Variants in SIAH1 observed in about 807,000 individuals in gnomAD.
SIAH1 encodes the protein E3 ubiquitin-protein ligase SIAH1.
In SIAH1, 2 loss-of-function variants were observed where a neutral mutation model predicts 20.0. That is an observed-to-expected ratio of 0.10 (90% CI 0.04 to 0.31). SIAH1 has a LOEUF of 0.31. Among genes scored for constraint, SIAH1 ranks in the 10% least tolerant of loss-of-function variants. The probability of loss-of-function intolerance (pLI) is 1.00; values close to 1 mark genes in which losing one functional copy is unlikely to be tolerated. For missense variants in SIAH1, 119 were observed against 355.3 expected, an observed-to-expected ratio of 0.33 and a Z score of 5.35; for synonymous variants, 118 against 125.3, an observed-to-expected ratio of 0.94 and a Z score of 0.39.
chr16:48,377,571 T>C (rs1356101726), intron 1 of SIAH1, among the ~76,000 whole-genome samples: 1 of 152,018 alleles, frequency 6.6e-6, no homozygotes, highest in Non-Finnish European at 1.5e-5. Context: ...TTATTTTTAG[T>C]AGAGACAAGG....
chr16:48,364,148 C>A (rs1233020133), intron 1 of SIAH1, among the ~76,000 whole-genome samples: 3 of 151,870 alleles, frequency 2.0e-5, no homozygotes, highest in African/African-American at 7.3e-5. Flanking sequence ...CGGGGTTTCA[C>A]CATGGCTGGT....
intron 1 of SIAH1, chr16:48,363,125 A>C (rs1395789218): frequency 6.0e-6 from 1 of 167,122 alleles, no homozygotes; most frequent in Non-Finnish European, 1.5e-5. Context: ...TTTGGTATGG[A>C]GAAGGGGGTC....
rs1960541693 is a variant in SIAH1 at position 48,360,531 on chromosome 16, T to C, written c.*1049A>G. On this transcript the variant is annotated 3_prime_UTR_variant, in exon 2 of 2. Coordinates refer to ENST00000394725, the MANE Select transcript of SIAH1 (RefSeq NM_003031.4). ...TAGAGCTAAAGCAGACACAGTAAGA[T>C]TTTTTTAATTTGCCAGATATTCTTT... 6.6e-6 allele frequency: 1 copy of C among 152,670 alleles called. No individual in the cohort carries two copies. Among genetic ancestry groups the C allele is most frequent in the Admixed American group, 6.5e-5 (1 of 15,282 alleles). The allele number at this position is 152,670 out of a possible 1,614,324, so 9.5% of individuals were successfully genotyped here. A position where few individuals can be genotyped will look rare whatever the true frequency, so the allele number is the denominator to read the frequency against.
At chr16:48,384,488 G>T (rs929225123) in intron 1 of SIAH1, among the ~76,000 whole-genome samples, 3 of 152,182 alleles carry the variant, frequency 2.0e-5, no homozygotes, top group African/African-American at 7.2e-5. Context: ...CCTAGGAAAT[G>T]CCAGGTTTAT....
chr16:48,368,999 T>C (rs1441856090), intron 1 of SIAH1, among the ~76,000 whole-genome samples: 2 of 152,204 alleles, frequency 1.3e-5, no homozygotes, highest in Non-Finnish European at 2.9e-5. Context: ...ATGTAGAAAA[T>C]GTTTTACGTT....
chr16:48,371,584 C>A (rs1224867298), intron 1 of SIAH1, among the ~76,000 whole-genome samples: 1 of 152,188 alleles, frequency 6.6e-6, no homozygotes, highest in Non-Finnish European at 1.5e-5. Flanking sequence ...AGAAGAGCAA[C>A]AGAACCAGGC....
At chr16:48,375,673 G>A (rs926433040) in intron 1 of SIAH1, among the ~76,000 whole-genome samples, 1 of 151,828 alleles carries the variant, frequency 6.6e-6, no homozygotes, top group Non-Finnish European at 1.5e-5. Flanking sequence ...AAATTGGGGG[G>A]AGAAAAAAAG....
chr16:48,385,759 C>T (rs1961448371), upstream of SIAH1, among the ~76,000 whole-genome samples: 5 of 151,968 alleles, frequency 3.3e-5, no homozygotes, highest in Admixed American at 2.0e-4. Context: ...CCCCCGGCTC[C>T]GGCCGGAGGG....
At chr16:48,386,338 C>G (rs1288109944), upstream of SIAH1, among the ~76,000 whole-genome samples, 1 of 152,098 alleles carries the variant, frequency 6.6e-6, no homozygotes, top group Admixed American at 6.5e-5. Context: ...GAAACCCTAT[C>G]TCTACTAAAA....
At chr16:48,363,564 A>G (rs1275558013) in intron 1 of SIAH1, 2 of 167,038 alleles carry the variant, frequency 1.2e-5, no homozygotes, top group Non-Finnish European at 2.9e-5. Context: ...TGTCAGACAT[A>G]ATGAACAAAG....
In SIAH1 at chr16:48,362,071, G is replaced by A; in HGVS notation, c.358C>T (p.Leu120Phe). Reference protein sequence around the residue: ...PHTEKADHEELCEFRPYSCPC... With the variant: ...PHTEKADHEEFCEFRPYSCPC... ...CAGGAATAAGGCCTAAACTCACAGA[G>A]CTCTTCATGGTCTGCTTTTTCTGTG... The change falls in exon 2 of 2, where the codon CTC becomes TTC. Residue 120 changes from leucine to phenylalanine, a missense_variant. By Grantham distance (22) the Leu-to-Phe change is conservative (BLOSUM62 0). Around this residue, in one of 2 missense-constraint regions of SIAH1, gnomAD observed 84 missense variants for 307.8 expected, o/e 0.27. Transcript: ENST00000394725. The surrounding 1 kb of genome is among the most constrained non-coding windows in gnomAD (Gnocchi z 4.2). The A allele has an allele frequency of 6.2e-7, 1 of 1,614,206 alleles. No homozygotes were observed. Among genetic ancestry groups the A allele is most frequent in the Non-Finnish European group, 8.5e-7 (1 of 1,180,042 alleles).
chr16:48,384,728 G>A (rs1961396976), intron 1 of SIAH1, among the ~76,000 whole-genome samples: 1 of 151,310 alleles, frequency 6.6e-6, no homozygotes, highest in Non-Finnish European at 1.5e-5. Flanking sequence ...CCGCGGGGAG[G>A]AGGGGGAGGG....
chr16:48,364,754 G>GT (rs769464455), intron 1 of SIAH1: 4 of 152,382 alleles, frequency 2.6e-5, no homozygotes, highest in East Asian at 3.8e-4. Context: ...AGTAAGCAGC[G>GT]TAACAATTAC....
chr16:48,364,786 AAC>A (rs1567368882), intron 1 of SIAH1: 1 of 152,420 alleles, frequency 6.6e-6, no homozygotes, highest in Non-Finnish European at 1.5e-5. Flanking sequence ...TTGGGCAAAA[AAC>A]AGTCTAGTCA....
intron 1 of SIAH1, among the ~76,000 whole-genome samples, chr16:48,375,058 G>T (rs1040728784): frequency 6.6e-6 from 1 of 152,168 alleles, no homozygotes; most frequent in Non-Finnish European, 1.5e-5. Flanking sequence ...GCTACGGCAA[G>T]ATAATTACTT....
chr16:48,380,664 C>T (rs1961253457), intron 1 of SIAH1, among the ~76,000 whole-genome samples: 2 of 152,038 alleles, frequency 1.3e-5, no homozygotes, highest in South Asian at 4.1e-4. Context: ...TGGCCCACGC[C>T]TGTAATCCCA....
chr16:48,384,859 G>A (rs1231494204), intron 1 of SIAH1, among the ~76,000 whole-genome samples: 2 of 145,978 alleles, frequency 1.4e-5, no homozygotes, highest in African/African-American at 4.9e-5. Context: ...CGCCACCCCC[G>A]GCCGGGCCCG....
chr16:48,385,478 C>A (rs1296844722), upstream of SIAH1: 1 of 150,432 alleles, frequency 6.6e-6, no homozygotes, highest in Non-Finnish European at 1.5e-5. Flanking sequence ...AGGCGCGGCC[C>A]CGCGCGCTGG....
intron 1 of SIAH1, among the ~76,000 whole-genome samples, chr16:48,370,738 G>A (rs538883115): frequency 3.3e-5 from 5 of 151,822 alleles, no homozygotes; most frequent in African/African-American, 7.3e-5. Flanking sequence ...TCCGGGAGGC[G>A]GAGCTCGAAG....
Sources: gnomAD v4.1 joint callset for allele counts (sites outside exome capture counted in the v4.1 genomes callset) on GRCh38, gnomAD v4.1.1 for gene constraint, gnomAD v4.1.1 regional missense constraint, Gnocchi (gnomAD v3.1) non-coding constraint, MANE v1.5 for transcripts, NCBI Gene and HGNC (gene_info 2026-07-23, HGNC 2026-07-21) for gene names.